The following PRKN variants were observed in gnomAD, a reference collection of about 807,000 sequenced individuals.
PRKN encodes the protein parkin RBR E3 ubiquitin protein ligase.
PRKN carries 56 observed loss-of-function variants against 59.5 expected under a neutral mutation model. The observed-to-expected ratio is 0.94, with a 90% confidence interval of 0.76 to 1.18. PRKN has a LOEUF of 1.18. PRKN is among the 50% of genes most tolerant of loss of function. The pLI is 0.00. For synonymous variants in PRKN, 250 were observed against 222.1 expected (o/e 1.13, Z -1.12); for missense variants, 657 against 596.4 (o/e 1.10, Z -1.06).
At chr6:162,315,403 T>C (rs1484366411) in intron 2 of PRKN, among the ~76,000 whole-genome samples, 1 of 152,196 alleles carries the variant, frequency 6.6e-6, no homozygotes, top group Non-Finnish European at 1.5e-5. Context: ...AGGCCGCCTG[T>C]AGGAAAGTAC....
chr6:161,979,114 T>G (rs1021194757), intron 5 of PRKN, among the ~76,000 whole-genome samples: 3 of 152,124 alleles, frequency 2.0e-5, no homozygotes, highest in Non-Finnish European at 4.4e-5. Context: ...GAAACCTTAA[T>G]TAGCGAAGAG....
chr6:161,672,230 A>G (rs1314042034), intron 7 of PRKN, among the ~76,000 whole-genome samples: 1 of 152,170 alleles, frequency 6.6e-6, no homozygotes, highest in African/African-American at 2.4e-5. Context: ...AAATGTATAA[A>G]TTGTATTGTA....
chr6:162,590,302 T>A (rs947157575), intron 1 of PRKN, among the ~76,000 whole-genome samples: 39 of 152,182 alleles, frequency 2.6e-4, no homozygotes, highest in Non-Finnish European at 4.1e-4. Flanking sequence ...AAATTTCCAT[T>A]CAGATTATTT....
Position 162,727,648 on chromosome 6 carries a change from A to G in PRKN, c.7+14T>C. 6.3e-7 allele frequency: 1 copy of G among 1,585,202 alleles called. No homozygotes were observed. The highest frequency in any genetic ancestry group is 8.6e-7 in the Non-Finnish European group (1 of 1,166,338). On this transcript the variant is annotated intron_variant, in intron 1 of 11. Transcript: ENST00000366898. ...GCGGCGCAGAGAGGCTGTACCTGGC[A>G]GGTACCCACGTACCTATCATGGTCA...
intron 1 of PRKN, among the ~76,000 whole-genome samples, chr6:162,491,960 C>G (rs1792836219): frequency 6.6e-6 from 1 of 152,182 alleles, no homozygotes; most frequent in Non-Finnish European, 1.5e-5. Context: ...GGACTGAGTA[C>G]CTCGGTGCCT....
At chr6:161,706,709 C>T (rs991960591) in intron 7 of PRKN, among the ~76,000 whole-genome samples, 4 of 152,116 alleles carry the variant, frequency 2.6e-5, no homozygotes, top group African/African-American at 9.7e-5. Context: ...AGGCGTGTAC[C>T]ACCACACACA....
At chr6:162,009,604 G>T (rs1207243082) in intron 5 of PRKN, among the ~76,000 whole-genome samples, 7 of 151,732 alleles carry the variant, frequency 4.6e-5, no homozygotes, top group Admixed American at 3.9e-4. Context: ...TATAAAAATT[G>T]CCCTTCACAG....
chr6:161,723,415 A>G (rs1445758792), intron 7 of PRKN, among the ~76,000 whole-genome samples: 1 of 152,094 alleles, frequency 6.6e-6, no homozygotes, highest in Non-Finnish European at 1.5e-5. Flanking sequence ...TCCCACCACT[A>G]CTTAGAGCAA....
intron 9 of PRKN, among the ~76,000 whole-genome samples, chr6:161,513,388 A>C (rs1209480598): frequency 1.3e-5 from 2 of 151,920 alleles, no homozygotes; most frequent in Non-Finnish European, 1.5e-5. Flanking sequence ...CTACAGGTGC[A>C]TGCCACCACG....
chr6:162,507,984 A>T (rs1793682723), intron 1 of PRKN, among the ~76,000 whole-genome samples: 1 of 152,224 alleles, frequency 6.6e-6, no homozygotes, highest in Non-Finnish European at 1.5e-5. Flanking sequence ...AAAGTATGAG[A>T]CTTGCTATAT....
At chr6:162,309,142 C>G (rs983832411) in intron 2 of PRKN, among the ~76,000 whole-genome samples, 4 of 151,986 alleles carry the variant, frequency 2.6e-5, no homozygotes, top group Non-Finnish European at 5.9e-5. Flanking sequence ...GAGATTGTAG[C>G]AAATCCCAAC....
intron 7 of PRKN, among the ~76,000 whole-genome samples, chr6:161,773,099 T>C (rs1252342772): frequency 2.0e-5 from 3 of 152,200 alleles, no homozygotes; most frequent in Non-Finnish European, 2.9e-5. Context: ...GAAGCGGCTA[T>C]GGAGGAGATC....
chr6:162,284,215 CTTTTTTT>C lies in PRKN; in HGVS notation c.172-21457_172-21451del, dbSNP rs35609309. ...TATTTATGTATTGTGTTATTTCTTT[CTTTTTTT>C]TTTTTTTTTTTTTTTTTTTGAGATA... On this transcript the variant is annotated intron_variant, in intron 2 of 11. Coordinates refer to ENST00000366898, the MANE Select transcript of PRKN (RefSeq NM_004562.3). 5.8e-4 allele frequency among the ~76,000 whole-genome samples: 44 copies of C among 75,672 alleles called. 1 individual carries two copies. Among genetic ancestry groups the C allele is most frequent in the Admixed American group, 3.1e-3 (16 of 5,164 alleles). The allele number at this position is 75,672 out of a possible 152,430, so 49.6% of individuals were successfully genotyped here. A position where few individuals can be genotyped will look rare whatever the true frequency, so the allele number is the denominator to read the frequency against.
chr6:161,397,108 T>C lies in PRKN; in HGVS notation c.1084-10231A>G, dbSNP rs1325726231. Among the ~76,000 whole-genome samples the C allele has an allele frequency of 1.3e-5, 2 of 152,170 alleles. No individual in the cohort carries two copies. Among genetic ancestry groups the C allele is most frequent in the African/African-American group, 4.8e-5 (2 of 41,402 alleles). ...CTTACTCATACCTCTATTAAACTGT[T>C]TCACCCTCTATATGAAACTGTCTCC... On this transcript the variant is annotated intron_variant, in intron 9 of 11. Coordinates refer to ENST00000366898, the MANE Select transcript of PRKN (RefSeq NM_004562.3). This position sits in a 1 kb window ranked among gnomAD's most constrained non-coding sequence, Gnocchi z 4.2.
chr6:162,483,579 G>A (rs555537410), intron 1 of PRKN, among the ~76,000 whole-genome samples: 2 of 151,876 alleles, frequency 1.3e-5, no homozygotes, highest in South Asian at 4.2e-4. Context: ...GAGGGAGAGA[G>A]GGAGACGGGG....
intron 7 of PRKN, among the ~76,000 whole-genome samples, chr6:161,612,665 G>A (rs1782529244): frequency 7.1e-6 from 1 of 141,010 alleles, no homozygotes; most frequent in Non-Finnish European, 1.5e-5. Context: ...AGGTTGCAGT[G>A]AGCTGAGATC....
At chr6:161,971,671 G>A (rs1187765584) in intron 6 of PRKN, among the ~76,000 whole-genome samples, 6 of 152,126 alleles carry the variant, frequency 3.9e-5, no homozygotes, top group African/African-American at 1.4e-4. Flanking sequence ...AGAAAATCAC[G>A]TCTCATTTTT....
intron 1 of PRKN, among the ~76,000 whole-genome samples, chr6:162,455,044 A>C (rs1215922583): frequency 6.6e-6 from 1 of 152,190 alleles, no homozygotes; most frequent in Admixed American, 6.5e-5. Flanking sequence ...GACAAGAGAG[A>C]TGGTGATGTT....
intron 1 of PRKN, among the ~76,000 whole-genome samples, chr6:162,724,657 G>A (rs1779057886): frequency 6.6e-6 from 1 of 152,170 alleles, no homozygotes; most frequent in South Asian, 2.1e-4. Context: ...GCAGCAACAG[G>A]CACAGCCTAG....
Sources: allele counts gnomAD v4.1 joint callset (sites outside exome capture counted in the v4.1 genomes callset), GRCh38; gene constraint gnomAD v4.1.1; non-coding constraint Gnocchi (gnomAD v3.1); transcripts MANE v1.5; gene names NCBI Gene and HGNC (gene_info 2026-07-23, HGNC 2026-07-21).